Variants in SIPA1L2 observed in about 807,000 individuals in gnomAD.
SIPA1L2 encodes the protein signal induced proliferation associated 1 like 2, also known as signal-induced proliferation-associated 1-like protein 2.
SIPA1L2 carries 56 observed loss-of-function variants against 163.9 expected under a neutral mutation model. The observed-to-expected ratio is 0.34, with a 90% CI of 0.28 to 0.43. The LOEUF (loss-of-function observed/expected upper bound fraction) is 0.43. Among genes scored for constraint, SIPA1L2 ranks in the 20% least tolerant of loss-of-function variants. The pLI, the probability that SIPA1L2 is intolerant of heterozygous loss-of-function variation, is 1.00. For synonymous variants in SIPA1L2, 877 were observed against 865.7 expected, an observed-to-expected ratio of 1.01 and a Z score of -0.23; for missense variants, 1,974 against 2,193.5, an observed-to-expected ratio of 0.90 and a Z score of 2.00.
chr1:232,515,423 T>C lies in SIPA1L2; in HGVS notation c.-84A>G. ...TTGCTACCGACCACGCCATAATACT[T>C]GCAGATATAAAGGCTTTGTCTGTAG... On this transcript the variant is annotated 5_prime_UTR_variant, in exon 3 of 23. Transcript: ENST00000674635. 1.4e-6 allele frequency: 2 copies of C among 1,383,962 alleles called. No homozygotes were observed. Among genetic ancestry groups the C allele is most frequent in the Non-Finnish European group, 9.7e-7 (1 of 1,033,740 alleles). 85.7% of individuals were successfully genotyped at this position (1,383,962 alleles called of 1,614,324 possible).
chr1:232,458,390 T>G lies in SIPA1L2; in HGVS notation c.3095+2497A>C, dbSNP rs189675037. The stretch of plus-strand genomic sequence containing the variant: ...GAACTTTTAAATTGTAGTTTTTGTT[T>G]GTTTTAGCTGAAAAACAATTCAATA... On this transcript the variant is annotated intron_variant, in intron 10 of 22. Coordinates refer to ENST00000674635, the MANE Select transcript of SIPA1L2 (RefSeq NM_020808.5). Among the ~76,000 whole-genome samples, 327 of 152,390 alleles carry G rather than the reference T, an allele frequency of 2.1e-3. 2 individuals carry two copies. The highest frequency in any genetic ancestry group is 7.6e-3 in the African/African-American group (315 of 41,598).
chr1:232,499,395 T>A (rs952577537), intron 3 of SIPA1L2, among the ~76,000 whole-genome samples: 10 of 152,220 alleles, frequency 6.6e-5, no homozygotes, highest in African/African-American at 2.4e-4. Context: ...ACTGCTGATA[T>A]GAAGAAAGTC....
At chr1:232,413,578 G>A (rs1558155693) in intron 19 of SIPA1L2, among the ~76,000 whole-genome samples, 1 of 152,328 alleles carries the variant, frequency 6.6e-6, no homozygotes, top group East Asian at 1.9e-4. Flanking sequence ...GTTGAGAGCT[G>A]TGCTATGAGC....
intron 1 of SIPA1L2, among the ~76,000 whole-genome samples, chr1:232,584,670 G>A (rs1158498845): frequency 5.9e-5 from 9 of 152,170 alleles, no homozygotes; most frequent in Admixed American, 2.0e-4. Flanking sequence ...ACCTTTCAGA[G>A]GGTGACAGGG....
In SIPA1L2 at chr1:232,518,075, T is replaced by A. The variant is rs147646323; in HGVS notation, c.-269-2467A>T. On this transcript the variant is annotated intron_variant, in intron 2 of 22. Transcript: ENST00000674635. The stretch of plus-strand genomic sequence containing the variant: ...TAAAGATTTTACAATATAAATAATA[T>A]ACGAAATTAAAAATAGATGAATTTA... 1.6e-4 allele frequency among the ~76,000 whole-genome samples: 25 copies of A among 152,248 alleles called. No homozygotes were observed. In the East Asian group the frequency reaches 4.6e-3, roughly 28 times the overall value.
chr1:232,573,086 A>C (rs560198434), intron 2 of SIPA1L2, among the ~76,000 whole-genome samples: 2 of 151,918 alleles, frequency 1.3e-5, no homozygotes, highest in East Asian at 3.9e-4. Context: ...CGGCCCCCCA[A>C]ATCATTTTTA....
At chr1:232,459,805 G>A (rs1416841025) in intron 10 of SIPA1L2, among the ~76,000 whole-genome samples, 3 of 152,058 alleles carry the variant, frequency 2.0e-5, no homozygotes, top group East Asian at 1.9e-4. Flanking sequence ...GAGCCATAGC[G>A]CCCAGCCCCT....
At chr1:232,570,389 C>T (rs373228531) in intron 2 of SIPA1L2, among the ~76,000 whole-genome samples, 4 of 152,220 alleles carry the variant, frequency 2.6e-5, no homozygotes, top group African/African-American at 9.6e-5. Context: ...ATAAGTATGC[C>T]GTCTCCTCGG....
intron 18 of SIPA1L2, among the ~76,000 whole-genome samples, chr1:232,421,212 C>T (rs1296524626): frequency 6.6e-6 from 1 of 152,118 alleles, no homozygotes; most frequent in Non-Finnish European, 1.5e-5. Flanking sequence ...TTCTTACTGC[C>T]CATGTTGCAT....
At chr1:232,480,144 TGTGTGTGTGC>T (rs61631211) in intron 6 of SIPA1L2, among the ~76,000 whole-genome samples, 18 of 136,424 alleles carry the variant, frequency 1.3e-4, no homozygotes, top group African/African-American at 5.1e-4. Flanking sequence ...CGCATCTGTG[TGTGTGTGTGC>T]GTGTGTGTGT....
intron 18 of SIPA1L2, among the ~76,000 whole-genome samples, chr1:232,424,081 G>C (rs2102807435): frequency 6.6e-6 from 1 of 152,056 alleles, no homozygotes; most frequent in Middle Eastern, 3.4e-3. Context: ...ACACATTTTA[G>C]AAACACACAG....
At chr1:232,560,753 C>T (rs1213320462) in intron 2 of SIPA1L2, among the ~76,000 whole-genome samples, 1 of 152,150 alleles carries the variant, frequency 6.6e-6, no homozygotes, top group African/African-American at 2.4e-5. Context: ...CTTCTAAGTG[C>T]ATATAATTTC....
rs1474722695 is a variant in SIPA1L2, at chr1:232,439,068, G to A, written c.4031+40C>T. The A allele has an allele frequency of 2.6e-6, 4 of 1,544,944 alleles. 1 individual carries two copies. In the South Asian group the frequency reaches 3.7e-5, roughly 14 times the overall value. On this transcript the variant is annotated intron_variant, in intron 15 of 22. Coordinates refer to ENST00000674635, the MANE Select transcript of SIPA1L2 (RefSeq NM_020808.5). ...CTATCCCAGCAGGCAGGGCCCAGGT[G>A]GCACCAGCAGGTACTACTCTGCAGT...
chr1:232,459,511 T>G (rs1664114987), intron 10 of SIPA1L2, among the ~76,000 whole-genome samples: 1 of 152,156 alleles, frequency 6.6e-6, no homozygotes, highest in Admixed American at 6.5e-5. Context: ...ATGCTAAAGT[T>G]TTATTTATTA....
At chr1:232,423,129 T>C (rs189239449) in intron 18 of SIPA1L2, among the ~76,000 whole-genome samples, 13 of 152,174 alleles carry the variant, frequency 8.5e-5, no homozygotes, top group Non-Finnish European at 1.2e-4. Context: ...ATAACTGATA[T>C]TGTATAGTGT....
In SIPA1L2 at chr1:232,514,416, C is replaced by T. The variant is rs373347990; in HGVS notation, c.924G>A (p.Thr308=). The change falls in exon 3 of 23, where the codon ACG becomes ACA. Residue 308 remains threonine, a synonymous_variant. Transcript: ENST00000674635. ...CCAGTCGGCTCTCCTCCAGCTCAGA[C>T]GTGAACTTGAAAGTTTCGTGCTCAC... ...VKSEHETFKF[T]SELEESRLER... The T allele has an allele frequency of 4.2e-5, 68 of 1,614,046 alleles. No individual in the cohort carries two copies. In the Middle Eastern group the frequency reaches 4.9e-4, roughly 12 times the overall value.
intron 2 of SIPA1L2, among the ~76,000 whole-genome samples, chr1:232,567,912 T>C (rs1262643995): frequency 6.6e-6 from 1 of 152,188 alleles, no homozygotes; most frequent in Admixed American, 6.5e-5. Flanking sequence ...GTTTAATCAA[T>C]AATGCCTATG....
intron 8 of SIPA1L2, among the ~76,000 whole-genome samples, chr1:232,467,515 C>T (rs1664586684): frequency 6.6e-6 from 1 of 152,154 alleles, no homozygotes; most frequent in Admixed American, 6.5e-5. Flanking sequence ...CTTAAAGCTA[C>T]CTGTTTGGAC....
chr1:232,536,032 C>T lies in SIPA1L2; in HGVS notation c.-269-20424G>A, dbSNP rs536568533. ...TTCCAGTGGTTGACAGAGCAAAGGG[C>T]ACACACTGCCTGGGAAGGCATACTG... is the stretch of plus-strand genomic sequence containing the variant. On this transcript the variant is annotated intron_variant, in intron 2 of 22. Transcript: ENST00000674635. Among the ~76,000 whole-genome samples the T allele has an allele frequency of 7.9e-5, 12 of 152,302 alleles. No homozygotes were observed. The South Asian group carries it at 2.1e-3, about 26-fold the overall frequency.
Sources: allele counts gnomAD v4.1 joint callset (sites outside exome capture counted in the v4.1 genomes callset), GRCh38; gene constraint gnomAD v4.1.1; transcripts MANE v1.5; gene names NCBI Gene and HGNC (gene_info 2026-07-23, HGNC 2026-07-21).